PLPPR1: variants seen among roughly 807,000 people sequenced by gnomAD.
PLPPR1 encodes phospholipid phosphatase-related protein type 1.
In PLPPR1, 10 loss-of-function variants were observed where a neutral mutation model predicts 33.1. The observed-to-expected ratio is 0.30, with a 90% CI of 0.19 to 0.51. The LOEUF is 0.51. Ranked by LOEUF, PLPPR1 falls within the 20% of genes least tolerant of loss-of-function variation. The pLI is 0.97. For synonymous variants in PLPPR1, 151 were observed against 151.0 expected, an observed-to-expected ratio of 1.00 and a Z score of 0.00; for missense variants, 304 against 408.1, an observed-to-expected ratio of 0.74 and a Z score of 2.20.
chr9:101,265,458 C>T (rs1232676567), intron 2 of PLPPR1, among the ~76,000 whole-genome samples: 1 of 152,178 alleles, frequency 6.6e-6, no homozygotes. Context: ...TATGGCCTCC[C>T]TCCATGCATT....
chr9:101,248,943 A>G (rs1005586893), intron 2 of PLPPR1, among the ~76,000 whole-genome samples: 2 of 152,076 alleles, frequency 1.3e-5, no homozygotes, highest in Non-Finnish European at 2.9e-5. Flanking sequence ...GTATAATAAC[A>G]TCTTCCTACC....
intron 1 of PLPPR1, among the ~76,000 whole-genome samples, chr9:101,133,609 T>A (rs2075372261): frequency 6.6e-6 from 1 of 152,204 alleles, no homozygotes; most frequent in African/African-American, 2.4e-5. Flanking sequence ...TACAGGTGCT[T>A]AGTGTATTGC....
At chr9:101,038,691 C>A (rs549496608) in intron 1 of PLPPR1, among the ~76,000 whole-genome samples, 24 of 152,188 alleles carry the variant, frequency 1.6e-4, no homozygotes, top group African/African-American at 5.8e-4. Context: ...GAAGAGGGAA[C>A]AAGGGAACTC....
At chr9:101,313,950 T>G (rs948782216) in intron 6 of PLPPR1, among the ~76,000 whole-genome samples, 11 of 152,218 alleles carry the variant, frequency 7.2e-5, no homozygotes, top group African/African-American at 2.4e-4. Flanking sequence ...GCATAATTAT[T>G]TTGAGATTCA....
chr9:101,300,715 A>G (rs1242710277), intron 4 of PLPPR1, among the ~76,000 whole-genome samples: 1 of 152,194 alleles, frequency 6.6e-6, no homozygotes, highest in Non-Finnish European at 1.5e-5. Flanking sequence ...ATATTCCTAT[A>G]TTTCGATATC....
At chr9:101,038,497 G>A (rs1234611966) in intron 1 of PLPPR1, among the ~76,000 whole-genome samples, 1 of 152,066 alleles carries the variant, frequency 6.6e-6, no homozygotes, top group Non-Finnish European at 1.5e-5. Context: ...TTGCTTGAAG[G>A]GCTAATCTAA....
chr9:101,047,896 C>A (rs368575022), intron 1 of PLPPR1, among the ~76,000 whole-genome samples: 1 of 152,202 alleles, frequency 6.6e-6, no homozygotes, highest in African/African-American at 2.4e-5. Context: ...GCTCAGGCTA[C>A]TGATCACAGC....
intron 2 of PLPPR1, among the ~76,000 whole-genome samples, chr9:101,205,829 G>A (rs1826579061): frequency 6.6e-6 from 1 of 152,306 alleles, no homozygotes; most frequent in Non-Finnish European, 1.5e-5. Context: ...TGTACTTACA[G>A]GCTTGTGTAA....
intron 1 of PLPPR1, among the ~76,000 whole-genome samples, chr9:101,177,251 G>T (rs1448786147): frequency 6.6e-6 from 1 of 152,070 alleles, no homozygotes; most frequent in Non-Finnish European, 1.5e-5. Context: ...ATGAACATGG[G>T]ATGCCTTTTC....
intron 1 of PLPPR1, among the ~76,000 whole-genome samples, chr9:101,081,845 G>T (rs984440158): frequency 1.3e-5 from 2 of 152,208 alleles, no homozygotes; most frequent in Admixed American, 6.5e-5. Flanking sequence ...GTGAGTAGCT[G>T]AATTGACACA....
At chr9:101,072,592 GATGC>G (rs905699376) in intron 1 of PLPPR1, among the ~76,000 whole-genome samples, 4 of 152,154 alleles carry the variant, frequency 2.6e-5, no homozygotes, top group African/African-American at 7.2e-5. Context: ...GAGAGGAAAA[GATGC>G]ATTCAGTAGA....
At chr9:101,119,365 T>G (rs1248427205) in intron 1 of PLPPR1, among the ~76,000 whole-genome samples, 1 of 152,186 alleles carries the variant, frequency 6.6e-6, no homozygotes, top group Non-Finnish European at 1.5e-5. Flanking sequence ...CACACCGTGC[T>G]GCCTGGGGAG....
At chr9:101,050,439 T>C (rs1049573385) in intron 1 of PLPPR1, among the ~76,000 whole-genome samples, 3 of 152,236 alleles carry the variant, frequency 2.0e-5, no homozygotes, top group Admixed American at 1.3e-4. Context: ...ATATTTGAGC[T>C]TTCCAAGAAG....
At chr9:101,081,270 C>T (rs960773595) in intron 1 of PLPPR1, among the ~76,000 whole-genome samples, 1 of 152,104 alleles carries the variant, frequency 6.6e-6, no homozygotes, top group African/African-American at 2.4e-5. Context: ...GGCTGGAGTG[C>T]AGTGGTGCGA....
chr9:101,056,208 C>T (rs1028724931), intron 1 of PLPPR1, among the ~76,000 whole-genome samples: 1 of 152,136 alleles, frequency 6.6e-6, no homozygotes, highest in African/African-American at 2.4e-5. Context: ...CTTCTGCCAG[C>T]TCTCATTTAG....
chr9:101,313,891 T>G (rs1291191578), intron 6 of PLPPR1, among the ~76,000 whole-genome samples: 2 of 152,204 alleles, frequency 1.3e-5, no homozygotes, highest in Non-Finnish European at 2.9e-5. Context: ...TTTTCTACGA[T>G]TTCATATTAA....
At chr9:101,097,548 T>C (rs764172441) in intron 1 of PLPPR1, among the ~76,000 whole-genome samples, 27 of 152,136 alleles carry the variant, frequency 1.8e-4, no homozygotes, top group Admixed American at 6.6e-5. Flanking sequence ...TCTGAGTGAG[T>C]GCTAGTACCA....
At chr9:101,226,558 A>T (rs1268119847) in intron 2 of PLPPR1, among the ~76,000 whole-genome samples, 1 of 152,084 alleles carries the variant, frequency 6.6e-6, no homozygotes, top group African/African-American at 2.4e-5. Flanking sequence ...TAGTTCATAG[A>T]TGACTGTCTT....
At chr9:101,145,100 A>G (rs1422102041) in intron 1 of PLPPR1, among the ~76,000 whole-genome samples, 96 of 152,314 alleles carry the variant, frequency 6.3e-4, no homozygotes, top group Non-Finnish European at 7.4e-5. Flanking sequence ...AGAAGCAGAA[A>G]GGAAAATGGT....
Sources: allele counts gnomAD v4.1 joint callset (sites outside exome capture counted in the v4.1 genomes callset), GRCh38; gene constraint gnomAD v4.1.1; transcripts MANE v1.5; gene names NCBI Gene and HGNC (gene_info 2026-07-23, HGNC 2026-07-21).